Variants in CUL5 observed in about 807,000 individuals in gnomAD.
CUL5 encodes the protein cullin 5, also known as cullin-5.
A neutral mutation model predicts 108.8 loss-of-function variants in CUL5; 26 were observed. The ratio of observed to expected loss-of-function variants is 0.24; its 90% CI spans 0.18 to 0.33. CUL5 has a LOEUF of 0.33. CUL5 is among the 10% of genes least tolerant of loss of function. CUL5 has a pLI of 1.00. For synonymous variants in CUL5, 334 were observed against 298.0 expected, an observed-to-expected ratio of 1.12 and a Z score of -1.25; for missense variants, 524 against 909.2, an observed-to-expected ratio of 0.58 and a Z score of 5.45.
At chr11:108,094,552 T>G (rs1864441631) in intron 14 of CUL5, 38 bp downstream of exon 14, 2 of 1,123,988 alleles carry the variant, frequency 1.8e-6, no homozygotes, top group Non-Finnish European at 2.5e-6. Flanking sequence ...TTTTTTAAAC[T>G]TAGAAGAATA....
chr11:108,053,179 CTAATT>C (rs900943243), intron 5 of CUL5, among the ~76,000 whole-genome samples: 8 of 152,156 alleles, frequency 5.3e-5, no homozygotes, highest in African/African-American at 1.7e-4. Flanking sequence ...TCTCTTACTT[CTAATT>C]TGTTTCCTGT....
chr11:108,082,460 A>G (rs1864113244), intron 11 of CUL5, among the ~76,000 whole-genome samples: 1 of 151,880 alleles, frequency 6.6e-6, no homozygotes, highest in Non-Finnish European at 1.5e-5. Context: ...TATTTTTTGT[A>G]GAGACAGTCT....
chr11:108,014,041 A>G (rs1000420344), intron 1 of CUL5, among the ~76,000 whole-genome samples: 2 of 152,246 alleles, frequency 1.3e-5, no homozygotes, highest in African/African-American at 4.8e-5. Context: ...AAAGGAGAGT[A>G]AAAGGTACTA....
At chr11:108,027,300 C>G (rs185995661) in intron 1 of CUL5, among the ~76,000 whole-genome samples, 13 of 150,684 alleles carry the variant, frequency 8.6e-5, no homozygotes, top group Admixed American at 2.6e-4. Context: ...TTGAGACAGT[C>G]TCCCCCTGCT....
At chr11:108,078,952 T>C (rs1413544667) in intron 11 of CUL5, among the ~76,000 whole-genome samples, 1 of 152,178 alleles carries the variant, frequency 6.6e-6, no homozygotes, top group Non-Finnish European at 1.5e-5. Flanking sequence ...TACCATATTA[T>C]AATATTGATA....
Position 108,096,568 on chromosome 11 carries a change from T to G in CUL5, c.1905+877T>G, listed in dbSNP as rs1311490853. On this transcript the variant is annotated intron_variant, in intron 16 of 18. Transcript: ENST00000393094. The stretch of plus-strand genomic sequence containing the variant: ...AGGAATGTGACCAGCTATGTACTTT[T>G]TTTTTTTTTTTTTTTTTTTTTTTGA... 8.3e-5 allele frequency among the ~76,000 whole-genome samples: 10 copies of G among 121,048 alleles called. No individual in the cohort carries two copies. In the East Asian group the frequency reaches 1.3e-3, roughly 16 times the overall value. 79.4% of individuals were successfully genotyped at this position (121,048 alleles called of 152,430 possible). A position where few individuals can be genotyped will look rare whatever the true frequency, so the allele number is the denominator to read the frequency against.
intron 5 of CUL5, among the ~76,000 whole-genome samples, chr11:108,054,063 C>T (rs1863310555): frequency 6.6e-6 from 1 of 152,114 alleles, no homozygotes; most frequent in Non-Finnish European, 1.5e-5. Context: ...CCAGGCTGGT[C>T]TTGAACTCCT....
At chr11:108,099,398 T>C (rs1056949700) in intron 18 of CUL5, among the ~76,000 whole-genome samples, 2 of 152,036 alleles carry the variant, frequency 1.3e-5, no homozygotes, top group African/African-American at 4.8e-5. Flanking sequence ...AGAGAAAAGA[T>C]GAATGAATAA....
intron 1 of CUL5, among the ~76,000 whole-genome samples, chr11:108,026,689 C>G (rs1372040965): frequency 6.6e-6 from 1 of 152,020 alleles, no homozygotes. Context: ...ATACTGTATC[C>G]TAGCTTTAAA....
chr11:108,017,702 T>C (rs1300357863), intron 1 of CUL5, among the ~76,000 whole-genome samples: 1 of 152,066 alleles, frequency 6.6e-6, no homozygotes, highest in African/African-American at 2.4e-5. Context: ...ATTTAATAAT[T>C]ATCCAGGCAT....
chr11:108,083,127 A>G (rs1183873040), intron 11 of CUL5, among the ~76,000 whole-genome samples: 3 of 152,168 alleles, frequency 2.0e-5, no homozygotes, highest in African/African-American at 2.4e-5. Flanking sequence ...CGGAACGTCT[A>G]CTACAGTAAC....
In CUL5 at chr11:108,055,453, AATT is replaced by A. The variant is rs531544589; in HGVS notation, c.780+508_780+510del. Among the ~76,000 whole-genome samples the A allele has an allele frequency of 3.8e-4, 58 of 152,008 alleles. 1 individual carries two copies. Among genetic ancestry groups the A allele is most frequent in the African/African-American group, 8.2e-4 (34 of 41,484 alleles). On this transcript the variant is annotated intron_variant, in intron 7 of 18. Transcript: ENST00000393094. ...TCATTTGTCATGAGGTAAAAATATT[AATT>A]ATTATTATTTTTAGAAACAAAGTCT... is the stretch of plus-strand genomic sequence containing the variant.
At chr11:108,029,523 A>G (rs1003912945) in intron 1 of CUL5, among the ~76,000 whole-genome samples, 2 of 152,244 alleles carry the variant, frequency 1.3e-5, no homozygotes, top group Non-Finnish European at 2.9e-5. Flanking sequence ...ATCAAGGTTC[A>G]TAGTCTGAAG....
chr11:108,069,248 G>T (rs952180977), intron 7 of CUL5, among the ~76,000 whole-genome samples: 3 of 152,068 alleles, frequency 2.0e-5, no homozygotes, highest in African/African-American at 7.2e-5. Flanking sequence ...TCCAGCTTGG[G>T]CAGCAGAGCA....
chr11:108,094,541 A>AT (rs1565269242), intron 14 of CUL5, 27 bp downstream of exon 14: 4 of 1,174,108 alleles, frequency 3.4e-6, no homozygotes, highest in Non-Finnish European at 4.7e-6. Context: ...ACATGTATAT[A>AT]TTTTTTAAAC....
intron 2 of CUL5, among the ~76,000 whole-genome samples, chr11:108,042,419 A>G (rs1862949097): frequency 6.6e-6 from 1 of 151,776 alleles, no homozygotes; most frequent in Non-Finnish European, 1.5e-5. Flanking sequence ...ACGGGGTTTC[A>G]CCATGTTGTC....
intron 1 of CUL5, among the ~76,000 whole-genome samples, chr11:108,031,999 A>G (rs1206513510): frequency 6.6e-6 from 1 of 152,172 alleles, no homozygotes; most frequent in Non-Finnish European, 1.5e-5. Flanking sequence ...AAGGGGAACA[A>G]CACACACTGG....
At chr11:108,053,604 G>A (rs566347494) in intron 5 of CUL5, among the ~76,000 whole-genome samples, 1 of 151,372 alleles carries the variant, frequency 6.6e-6, no homozygotes, top group Non-Finnish European at 1.5e-5. Flanking sequence ...AACCCATATG[G>A]TGTTCATAAG....
At chr11:108,028,127 C>T (rs991613236) in intron 1 of CUL5, among the ~76,000 whole-genome samples, 2 of 152,154 alleles carry the variant, frequency 1.3e-5, no homozygotes, top group African/African-American at 2.4e-5. Flanking sequence ...TTCTGATAGG[C>T]CTTTTAAATT....
Sources: gnomAD v4.1 joint callset for allele counts (sites outside exome capture counted in the v4.1 genomes callset) on GRCh38, gnomAD v4.1.1 for gene constraint, MANE v1.5 for transcripts, NCBI Gene and HGNC (gene_info 2026-07-23, HGNC 2026-07-21) for gene names.